The following FHOD3 variants were observed in gnomAD, a reference collection of about 807,000 sequenced individuals.
FHOD3 encodes FH1/FH2 domain-containing protein 3.
A neutral mutation model predicts 173.0 loss-of-function variants in FHOD3; 90 were observed. That is an observed-to-expected ratio of 0.52 (90% CI 0.44 to 0.62). FHOD3 has a LOEUF of 0.62. Among genes scored for constraint, FHOD3 ranks in the 20% least tolerant of loss-of-function variants. FHOD3 has a pLI of 0.00. For missense variants in FHOD3, 1,945 were observed against 2,034.7 expected, an observed-to-expected ratio of 0.96 and a Z score of 0.85; for synonymous variants, 828 against 823.0, an observed-to-expected ratio of 1.01 and a Z score of -0.10.
At chr18:36,521,226 C>A (rs546505376) in intron 5 of FHOD3, among the ~76,000 whole-genome samples, 6 of 152,104 alleles carry the variant, frequency 3.9e-5, no homozygotes, top group Admixed American at 2.6e-4. Context: ...CAGGGTACCA[C>A]GCCTTTTCTA....
chr18:36,775,269 C>T (rs992393185), intron 28 of FHOD3, among the ~76,000 whole-genome samples: 4 of 152,148 alleles, frequency 2.6e-5, no homozygotes, highest in African/African-American at 9.7e-5. Flanking sequence ...AAAAAAACCC[C>T]GAAATAACAT....
At chr18:36,362,845 T>A (rs1489385011) in intron 2 of FHOD3, among the ~76,000 whole-genome samples, 2 of 152,166 alleles carry the variant, frequency 1.3e-5, no homozygotes, top group Non-Finnish European at 2.9e-5. Flanking sequence ...AAAGTGGATA[T>A]TAAGACAATG....
At chr18:36,751,927 A>G (rs2042418512) in intron 24 of FHOD3, among the ~76,000 whole-genome samples, 1 of 152,180 alleles carries the variant, frequency 6.6e-6, no homozygotes, top group African/African-American at 2.4e-5. Context: ...CATGCTGCTA[A>G]TAAAGACATA....
At chr18:36,482,001 CT>C (rs367958602) in intron 3 of FHOD3, among the ~76,000 whole-genome samples, 27 of 152,068 alleles carry the variant, frequency 1.8e-4, no homozygotes, top group African/African-American at 6.3e-4. Context: ...TGTCTGACAC[CT>C]TATGTCTTAA....
chr18:36,600,286 CACAT>C (rs2031176190), intron 7 of FHOD3, among the ~76,000 whole-genome samples: 2 of 151,516 alleles, frequency 1.3e-5, no homozygotes, highest in African/African-American at 4.9e-5. Context: ...CACACACACA[CACAT>C]ATGCACACAT....
chr18:36,684,166 C>G (rs2038443706), intron 15 of FHOD3, among the ~76,000 whole-genome samples: 1 of 152,198 alleles, frequency 6.6e-6, no homozygotes, highest in Non-Finnish European at 1.5e-5. Context: ...GAACCAATGT[C>G]TGAAGGCAGG....
chr18:36,719,014 G>C (rs1568667088), intron 19 of FHOD3, among the ~76,000 whole-genome samples: 1 of 152,324 alleles, frequency 6.6e-6, no homozygotes, highest in East Asian at 1.9e-4. Context: ...TGTCAGCATA[G>C]CCCAATAGCA....
At chr18:36,372,463 A>G (rs1441866582) in intron 2 of FHOD3, among the ~76,000 whole-genome samples, 1 of 152,242 alleles carries the variant, frequency 6.6e-6, no homozygotes, top group Non-Finnish European at 1.5e-5. Flanking sequence ...AGTGAGATGC[A>G]TGTGCCAAAC....
chr18:36,676,705 A>G (rs482648), intron 14 of FHOD3, among the ~76,000 whole-genome samples: 73,236 of 151,994 alleles, frequency 0.48, 17,773 homozygotes, highest in East Asian at 0.56. Context: ...TTGTCAATCC[A>G]TAATCTGATA....
At chr18:36,538,859 G>A (rs1387396418) in intron 5 of FHOD3, among the ~76,000 whole-genome samples, 2 of 152,176 alleles carry the variant, frequency 1.3e-5, no homozygotes, top group African/African-American at 4.8e-5. Context: ...GACTGGGGTG[G>A]TAGTTACATG....
intron 18 of FHOD3, chr18:36,710,472 TG>T: frequency 6.6e-6 from 1 of 152,194 alleles, no homozygotes. Context: ...CTCAGAAGCA[TG>T]GATGAACGAA....
chr18:36,747,246 G>T, intron 24 of FHOD3, 111 bp downstream of exon 24: 1 of 788,046 alleles, frequency 1.3e-6, no homozygotes, highest in Non-Finnish European at 2.0e-6. Context: ...TACATTCTTG[G>T]TACATAGCAA....
chr18:36,327,269 A>G (rs1322286625), intron 1 of FHOD3, among the ~76,000 whole-genome samples: 1 of 152,228 alleles, frequency 6.6e-6, no homozygotes, highest in Non-Finnish European at 1.5e-5. Context: ...GCAGAGCCCC[A>G]TTTGAGTTTT....
intron 28 of FHOD3, chr18:36,778,698 GTCTTGTGTGTTCCATAGAAAACAGCCACC>G (rs1200073696): frequency 6.6e-6 from 1 of 152,198 alleles, no homozygotes; most frequent in Non-Finnish European, 1.5e-5. Context: ...CCATTCTTGA[GTCTTGTGTGTTCCATAGAAAACAGCCACC>G]AATTCCAGCC....
intron 5 of FHOD3, among the ~76,000 whole-genome samples, chr18:36,524,025 A>C (rs892114757): frequency 1.7e-4 from 26 of 152,186 alleles, no homozygotes; most frequent in African/African-American, 5.8e-4. Flanking sequence ...TTACACCTGT[A>C]ATCCCAGCAC....
At position 36,505,364 on chromosome 18, in the gene FHOD3, T is replaced by A. The variant is rs190733851; in HGVS notation, c.405+3365T>A. On this transcript the variant is annotated intron_variant, in intron 4 of 28. Coordinates refer to ENST00000590592, the MANE Select transcript of FHOD3 (RefSeq NM_001281740.3). ...GTTAGAATGATCACCATAGATGACC[T>A]GAAGAAACAGAAGGATAAACTGTCG... Among the ~76,000 whole-genome samples, 91 of 152,304 alleles carry A rather than the reference T, an allele frequency of 6.0e-4. No individual in the cohort carries two copies. The East Asian group carries it at 0.01, about 17-fold the overall frequency.
rs1393832204 is a variant in FHOD3, at chr18:36,652,562, C to A, written c.1287-8C>A. The stretch of plus-strand genomic sequence containing the variant: ...TCTTCTTCCTCCTCCTCCCTGCTGG[C>A]CCAACAGCAAGGTCGGCGCTGCCTC... On this transcript the variant is annotated splice_polypyrimidine_tract_variant and splice_region_variant and intron_variant, in intron 11 of 28. Coordinates refer to ENST00000590592, the MANE Select transcript of FHOD3 (RefSeq NM_001281740.3). The A allele has an allele frequency of 3.9e-6, 6 of 1,521,214 alleles. No individual in the cohort carries two copies. The African/African-American group carries it at 8.3e-5, about 21-fold the overall frequency. The allele number at this position is 1,521,214 out of a possible 1,614,324, so 94.2% of individuals were successfully genotyped here.
chr18:36,744,171 G>A lies in FHOD3; in HGVS notation c.4019G>A (p.Gly1340Glu). Residue 1340 changes from glycine to glutamate, a missense_variant, in exon 23 of 29, where the codon GGG becomes GAG. By Grantham distance (98) the Gly-to-Glu change is moderately conservative. This residue lies in a region of FHOD3 where 231 missense variants were observed against 321.9 expected (regional missense o/e 0.72). Coordinates refer to ENST00000590592, the MANE Select transcript of FHOD3 (RefSeq NM_001281740.3). ...PDSSDLYSEI[G>E]AITRSAKVDF... Reference sequence around the variant, plus strand: ...AGCTCCGATCTGTACTCGGAGATCGGGGCCATCACCAGGTCAGCCAAGGTA... The same window carrying A: ...AGCTCCGATCTGTACTCGGAGATCGAGGCCATCACCAGGTCAGCCAAGGTA... 1.2e-6 allele frequency: 2 copies of A among 1,613,830 alleles called. No homozygotes were observed. Among genetic ancestry groups the A allele is most frequent in the Non-Finnish European group, 1.7e-6 (2 of 1,179,896 alleles).
chr18:36,546,794 G>T lies in FHOD3; in HGVS notation c.512-29657G>T, dbSNP rs1370753514. Among the ~76,000 whole-genome samples the T allele has an allele frequency of 2.0e-5, 3 of 152,186 alleles. No individual in the cohort carries two copies. The South Asian group carries it at 6.2e-4, about 32-fold the overall frequency. ...TGTGAGGGGACACAGCGTAGGCAGC[G>T]TGTGGAGTTTAGCAGGAATTTCATG... On this transcript the variant is annotated intron_variant, in intron 5 of 28. Coordinates refer to ENST00000590592, the MANE Select transcript of FHOD3 (RefSeq NM_001281740.3).
Sources: gnomAD v4.1 joint callset for allele counts (sites outside exome capture counted in the v4.1 genomes callset) on GRCh38, gnomAD v4.1.1 for gene constraint, gnomAD v4.1.1 regional missense constraint, MANE v1.5 for transcripts, NCBI Gene and HGNC (gene_info 2026-07-23, HGNC 2026-07-21) for gene names.